The following DPRX variants were observed in gnomAD, a reference collection of about 807,000 sequenced individuals.
The protein encoded by DPRX is divergent paired-related homeobox.
A neutral mutation model predicts 8.4 loss-of-function variants in DPRX; 11 were observed. The observed-to-expected ratio is 1.31, with a 90% confidence interval of 0.82 to 2.17. DPRX has a LOEUF of 2.17. Among genes scored for constraint, DPRX ranks in the 30% most tolerant of loss-of-function variants. The pLI, the probability that DPRX is intolerant of heterozygous loss-of-function variation, is 0.00. For synonymous variants in DPRX, 72 were observed against 87.0 expected (o/e 0.83, Z 0.96); for missense variants, 211 against 236.7 (o/e 0.89, Z 0.71).
the DPRX span, among the ~76,000 whole-genome samples, chr19:53,609,210 G>A: frequency 6.6e-6 from 1 of 151,788 alleles, no homozygotes. Flanking sequence ...GCTCACACCT[G>A]TAATCCCAGC....
chr19:53,608,066 G>A, the DPRX span, among the ~76,000 whole-genome samples: 1 of 149,838 alleles, frequency 6.7e-6, no homozygotes, highest in Non-Finnish European at 1.5e-5. Flanking sequence ...CCAGCTACTC[G>A]GAGGCTGAGG....
chr19:53,634,411 A>T (rs1162348007), intron 1 of DPRX, 120 bp from the exon 2 acceptor site: 8 of 1,310,284 alleles, frequency 6.1e-6, no homozygotes, highest in Non-Finnish European at 2.1e-6. Flanking sequence ...AGCCTCGGTG[A>T]CAGAACCTCA....
At chr19:53,627,965 G>A (rs539561297), upstream of DPRX, among the ~76,000 whole-genome samples, 1 of 151,788 alleles carries the variant, frequency 6.6e-6, no homozygotes, top group African/African-American at 2.4e-5. Context: ...CCGGGAGGCG[G>A]AGGTTGCAGT....
chr19:53,621,521 C>T, the DPRX span, among the ~76,000 whole-genome samples: 15 of 152,112 alleles, frequency 9.9e-5, no homozygotes, highest in Non-Finnish European at 2.9e-5. Context: ...ACAGGCCAGG[C>T]ATGGTGGCTC....
At chr19:53,623,026 C>G in the DPRX span, among the ~76,000 whole-genome samples, 1 of 152,070 alleles carries the variant, frequency 6.6e-6, no homozygotes, top group African/African-American at 2.4e-5. Flanking sequence ...CATTCCTGGG[C>G]CAAGCCCGGT....
the DPRX span, among the ~76,000 whole-genome samples, chr19:53,601,539 T>A: frequency 4.7e-5 from 7 of 149,780 alleles, no homozygotes; most frequent in Non-Finnish European, 1.0e-4. Context: ...TGGAGTGCAG[T>A]GGCGCGATCT....
chr19:53,609,485 A>C, the DPRX span, among the ~76,000 whole-genome samples: 5 of 149,966 alleles, frequency 3.3e-5, no homozygotes, highest in South Asian at 6.3e-4. Context: ...AAAAAAAAAA[A>C]AAAAAAAAAA....
upstream of DPRX, among the ~76,000 whole-genome samples, chr19:53,627,640 C>T (rs1488893570): frequency 1.3e-5 from 2 of 150,650 alleles, no homozygotes; most frequent in African/African-American, 4.8e-5. Context: ...GCTGTCGCCA[C>T]GTTGGCCTGG....
chr19:53,629,280 C>T (rs558992926), upstream of DPRX, among the ~76,000 whole-genome samples: 334 of 144,448 alleles, frequency 2.3e-3, 1 homozygote, highest in Non-Finnish European at 3.6e-3. Flanking sequence ...CCTGCCACTG[C>T]ACTCCAGCCT....
the DPRX span, among the ~76,000 whole-genome samples, chr19:53,621,546 G>A: frequency 3.3e-5 from 5 of 151,904 alleles, no homozygotes; most frequent in Non-Finnish European, 7.4e-5. Context: ...CTATAATCCC[G>A]GCACTTTGGG....
chr19:53,627,423 TTTTC>T (rs201630544), upstream of DPRX, among the ~76,000 whole-genome samples: 2,590 of 136,568 alleles, frequency 0.019, 103 homozygotes, highest in African/African-American at 0.059. Flanking sequence ...GGAGAGATGT[TTTTC>T]TTTCTTTCTT....
At chr19:53,629,802 T>A (rs1600568946), upstream of DPRX, 1 of 150,874 alleles carries the variant, frequency 6.6e-6, no homozygotes, top group Non-Finnish European at 1.5e-5. Flanking sequence ...TAGGCTGTAA[T>A]GTGCTCTGCC....
intron 1 of DPRX, 59 bp downstream of exon 1, chr19:53,632,193 G>A: frequency 6.2e-7 from 1 of 1,613,290 alleles, no homozygotes; most frequent in Non-Finnish European, 8.5e-7. Flanking sequence ...AAAGCAGCTG[G>A]CGGCGGGAAA....
At chr19:53,616,725 G>A in the DPRX span, 2 of 1,238,526 alleles carry the variant, frequency 1.6e-6, no homozygotes. Context: ...TTGCATTCCA[G>A]CCTGGGCAAC....
the DPRX span, among the ~76,000 whole-genome samples, chr19:53,624,670 C>T: frequency 6.6e-6 from 1 of 151,862 alleles, no homozygotes; most frequent in African/African-American, 2.4e-5. Context: ...CTGCCTTGGC[C>T]TCCCAAAGTG....
chr19:53,608,933 C>T, the DPRX span, among the ~76,000 whole-genome samples: 10 of 108,928 alleles, frequency 9.2e-5, no homozygotes, highest in Admixed American at 8.5e-4. Context: ...CCAGCCTGGG[C>T]GGACAGAGTG....
chr19:53,611,320 T>C, the DPRX span, among the ~76,000 whole-genome samples: 2 of 151,908 alleles, frequency 1.3e-5, no homozygotes, highest in Non-Finnish European at 2.9e-5. Context: ...CAGGCTGGAG[T>C]GCAGCAGGCT....
chr19:53,616,005 C>A, the DPRX span, among the ~76,000 whole-genome samples: 1 of 152,120 alleles, frequency 6.6e-6, no homozygotes, highest in Non-Finnish European at 1.5e-5. Context: ...GTAATCCCAG[C>A]ACTTTGGGAC....
chr19:53,601,368 G>A, the DPRX span: 5 of 456,546 alleles, frequency 1.1e-5, no homozygotes, highest in African/African-American at 8.0e-5. Flanking sequence ...AGGCAACAGG[G>A]GGACCTGCAG....
Sources: allele counts gnomAD v4.1 joint callset (sites outside exome capture counted in the v4.1 genomes callset), GRCh38; gene constraint gnomAD v4.1.1; transcripts MANE v1.5; gene names NCBI Gene and HGNC (gene_info 2026-07-23, HGNC 2026-07-21).